The following RYR3 variants were observed in gnomAD, a reference collection of about 807,000 sequenced individuals.
The protein encoded by RYR3 is brain ryanodine receptor-calcium release channel.
RYR3 carries 207 observed loss-of-function variants against 584.3 expected under a neutral mutation model. The ratio of observed to expected loss-of-function variants is 0.35; its 90% CI spans 0.32 to 0.40. The LOEUF (loss-of-function observed/expected upper bound fraction) is 0.40. RYR3 is among the 10% of genes least tolerant of loss of function. RYR3 has a pLI of 1.00. For missense variants in RYR3, 5,616 were observed against 6,089.2 expected (o/e 0.92, Z 2.59); for synonymous variants, 2,416 against 2,248.5 (o/e 1.07, Z -2.11).
intron 1 of RYR3, among the ~76,000 whole-genome samples, chr15:33,369,392 G>A (rs908976605): frequency 2.6e-5 from 4 of 152,088 alleles, no homozygotes; most frequent in African/African-American, 9.7e-5. Flanking sequence ...TGATGCCCTT[G>A]GTCCTCTCCC....
At chr15:33,856,988 A>G (rs113778062) in intron 98 of RYR3, among the ~76,000 whole-genome samples, 2,212 of 152,216 alleles carry the variant, frequency 0.015, 54 homozygotes, top group African/African-American at 0.051. Context: ...GCATTAGAGT[A>G]GAAGCTACAT....
Position 33,560,801 on chromosome 15 carries a change from C to G in RYR3, c.973-2036C>G, listed in dbSNP as rs112299780. On this transcript the variant is annotated intron_variant, in intron 10 of 103. Transcript: ENST00000634891. Reference sequence around the variant, plus strand: ...TAAAGAAAATCTCATCTATCAAATACTATTTTCCTATTAGCTAATGTTATA... The same window carrying G: ...TAAAGAAAATCTCATCTATCAAATAGTATTTTCCTATTAGCTAATGTTATA... Among the ~76,000 whole-genome samples the G allele has an allele frequency of 7.4e-3, 1,124 of 151,926 alleles. 9 individuals are homozygous for G. The highest frequency in any genetic ancestry group is 0.022 in the African/African-American group (913 of 41,494).
intron 60 of RYR3, among the ~76,000 whole-genome samples, chr15:33,767,794 A>G (rs1478472281): frequency 6.6e-6 from 1 of 152,164 alleles, no homozygotes; most frequent in African/African-American, 2.4e-5. Context: ...CAGTGTCAGT[A>G]ATGTCAGTTC....
At chr15:33,483,954 A>T (rs2050189891) in intron 2 of RYR3, among the ~76,000 whole-genome samples, 1 of 152,164 alleles carries the variant, frequency 6.6e-6, no homozygotes, top group Non-Finnish European at 1.5e-5. Flanking sequence ...AAATGTTTAT[A>T]GCACCTGATT....
chr15:33,567,631 T>C (rs2057785219), intron 12 of RYR3, among the ~76,000 whole-genome samples: 1 of 152,128 alleles, frequency 6.6e-6, no homozygotes, highest in Non-Finnish European at 1.5e-5. Flanking sequence ...TTAGGGAAAA[T>C]AGGTGGCCTA....
intron 53 of RYR3, among the ~76,000 whole-genome samples, chr15:33,747,707 G>A (rs1322334684): frequency 2.0e-5 from 3 of 152,240 alleles, no homozygotes; most frequent in African/African-American, 4.8e-5. Flanking sequence ...TTACAGGCAT[G>A]AGCCACCGTG....
intron 93 of RYR3, 135 bp from the exon 94 acceptor site, chr15:33,848,156 A>G: frequency 2.7e-6 from 3 of 1,093,980 alleles, no homozygotes; most frequent in Non-Finnish European, 4.0e-6. Flanking sequence ...TGATCCCACA[A>G]CTAGGCACTC....
At chr15:33,529,173 G>A (rs1334327366) in intron 3 of RYR3, among the ~76,000 whole-genome samples, 1 of 152,168 alleles carries the variant, frequency 6.6e-6, no homozygotes, top group Non-Finnish European at 1.5e-5. Context: ...ATTGTGAAGA[G>A]CATTGTAATT....
intron 11 of RYR3, among the ~76,000 whole-genome samples, chr15:33,566,175 G>A (rs994388639): frequency 2.6e-5 from 4 of 152,310 alleles, no homozygotes; most frequent in Non-Finnish European, 5.9e-5. Flanking sequence ...CTACCACCTT[G>A]AGCTGCTTTC....
intron 3 of RYR3, among the ~76,000 whole-genome samples, chr15:33,519,707 T>C (rs1387471262): frequency 6.6e-6 from 1 of 152,056 alleles, no homozygotes. Context: ...GGGCCACTTT[T>C]CTAGAATGAA....
At chr15:33,802,218 A>G (rs368709334) in intron 69 of RYR3, 1 of 568,356 alleles carries the variant, frequency 1.8e-6, no homozygotes, top group Non-Finnish European at 3.3e-6. Context: ...AAGGCATTTG[A>G]GAGGTCTCCA....
At chr15:33,540,929 A>G (rs770688206) in intron 7 of RYR3, 39 bp downstream of exon 7, 7 of 1,303,546 alleles carry the variant, frequency 5.4e-6, no homozygotes, top group East Asian at 4.6e-5. Flanking sequence ...GAGCCTGCCT[A>G]TCTCTCTTGA....
chr15:33,609,085 G>A (rs2060045143), intron 18 of RYR3, among the ~76,000 whole-genome samples: 1 of 152,350 alleles, frequency 6.6e-6, no homozygotes, highest in East Asian at 1.9e-4. Flanking sequence ...CAGAGGACGG[G>A]AGAGAGGACA....
intron 38 of RYR3, among the ~76,000 whole-genome samples, chr15:33,691,654 C>A (rs1217327178): frequency 6.6e-6 from 1 of 152,294 alleles, no homozygotes; most frequent in East Asian, 1.9e-4. Context: ...GAAAAAAACA[C>A]TGAACTTTAA....
At chr15:33,482,119 T>C (rs1418537250) in intron 2 of RYR3, among the ~76,000 whole-genome samples, 1 of 152,128 alleles carries the variant, frequency 6.6e-6, no homozygotes, top group African/African-American at 2.4e-5. Context: ...TTTCTTATAC[T>C]TCAGATCTGC....
Position 33,756,190 on chromosome 15 carries a change from T to C in RYR3, c.8516-116T>C, listed in dbSNP as rs148097803. 2.0e-3 allele frequency: 1,482 copies of C among 738,022 alleles called. 24 individuals carry two copies. In the African/African-American group the frequency reaches 0.022, roughly 11 times the overall value. The allele number at this position is 738,022 out of a possible 1,614,324, so 45.7% of individuals were successfully genotyped here. A position where few individuals can be genotyped will look rare whatever the true frequency, so the allele number is the denominator to read the frequency against. On this transcript the variant is annotated intron_variant, in intron 58 of 103. Transcript: ENST00000634891. ...AAAGTACTTTGTAAGATATATTTTG[T>C]GAAATCAGATAGCCTTTTTAAATAG...
intron 1 of RYR3, among the ~76,000 whole-genome samples, chr15:33,469,902 C>T (rs1426867753): frequency 1.3e-5 from 2 of 152,018 alleles, no homozygotes; most frequent in Non-Finnish European, 2.9e-5. Flanking sequence ...GGCGGGAGCA[C>T]TAGAAGAATA....
chr15:33,652,651 A>G, intron 31 of RYR3, 67 bp from the exon 32 acceptor site: 1 of 1,509,050 alleles, frequency 6.6e-7, no homozygotes, highest in South Asian at 1.2e-5. Context: ...TTTTCATTTC[A>G]TTCCTGAGTC....
chr15:33,671,239 A>C (rs1246682913), intron 38 of RYR3, among the ~76,000 whole-genome samples: 1 of 152,184 alleles, frequency 6.6e-6, no homozygotes, highest in East Asian at 1.9e-4. Flanking sequence ...GTCTTGTCTG[A>C]GTATTATATA....
Sources: allele counts gnomAD v4.1 joint callset (sites outside exome capture counted in the v4.1 genomes callset), GRCh38; gene constraint gnomAD v4.1.1; transcripts MANE v1.5; gene names NCBI Gene and HGNC (gene_info 2026-07-23, HGNC 2026-07-21).